The following STAG1 variants were observed in gnomAD, a reference collection of about 807,000 sequenced individuals.
STAG1 encodes cohesin subunit SA-1.
Under a neutral mutation model 170.9 loss-of-function variants are expected in STAG1, and 26 were observed. The observed-to-expected ratio is 0.15, with a 90% CI of 0.11 to 0.21. The LOEUF is 0.21. Among genes scored for constraint, STAG1 ranks in the 10% least tolerant of loss-of-function variants. The pLI, the probability that STAG1 is intolerant of heterozygous loss-of-function variation, is 1.00. For missense variants in STAG1, 964 were observed against 1,509.5 expected (o/e 0.64, Z 5.99); for synonymous variants, 514 against 497.7 (o/e 1.03, Z -0.44).
chr3:136,502,598 C>T (rs370696656), intron 8 of STAG1, 30 bp downstream of exon 8: 6 of 1,605,378 alleles, frequency 3.7e-6, no homozygotes, highest in Non-Finnish European at 5.1e-6. Flanking sequence ...ATTTACAGAA[C>T]ATAAAATCAT....
chr3:136,751,808 C>CGG, intron 1 of STAG1, among the ~76,000 whole-genome samples: 1 of 148,262 alleles, frequency 6.7e-6, no homozygotes, highest in East Asian at 2.0e-4. Context: ...AGAGCCCGGG[C>CGG]GGGGGGGGGC....
chr3:136,538,089 A>C (rs879217482), intron 6 of STAG1, among the ~76,000 whole-genome samples: 1 of 152,166 alleles, frequency 6.6e-6, no homozygotes, highest in Non-Finnish European at 1.5e-5. Flanking sequence ...CTGAGTCTTG[A>C]GTTATTAGCC....
At chr3:136,683,240 T>C (rs1461702382) in intron 1 of STAG1, among the ~76,000 whole-genome samples, 3 of 149,670 alleles carry the variant, frequency 2.0e-5, no homozygotes, top group African/African-American at 7.5e-5. Context: ...ATAACTAAGA[T>C]AGTAAATTTT....
intron 1 of STAG1, among the ~76,000 whole-genome samples, chr3:136,724,370 C>T (rs1253341314): frequency 6.6e-6 from 1 of 151,234 alleles, no homozygotes; most frequent in African/African-American, 2.4e-5. Flanking sequence ...AAGGGTGGTG[C>T]AAGATGCGCT....
chr3:136,690,056 C>CA (rs57082567), intron 1 of STAG1, among the ~76,000 whole-genome samples: 1,999 of 55,992 alleles, frequency 0.036, 24 homozygotes, highest in African/African-American at 0.057. Flanking sequence ...AAAAGCAAAC[C>CA]AAAAAAAAAA....
At chr3:136,667,347 T>G (rs1371970747) in intron 1 of STAG1, among the ~76,000 whole-genome samples, 1 of 151,982 alleles carries the variant, frequency 6.6e-6, no homozygotes, top group Admixed American at 6.6e-5. Context: ...TAGGAGTTCA[T>G]GTCGAGCCTA....
intron 5 of STAG1, among the ~76,000 whole-genome samples, chr3:136,560,128 C>A (rs1321147845): frequency 6.6e-6 from 1 of 152,128 alleles, no homozygotes; most frequent in Non-Finnish European, 1.5e-5. Context: ...GTGATTAATT[C>A]TCTGGCAATT....
chr3:136,441,021 C>A (rs1296803685), intron 15 of STAG1, among the ~76,000 whole-genome samples: 2 of 138,494 alleles, frequency 1.4e-5, no homozygotes, highest in African/African-American at 2.6e-5. Flanking sequence ...AACAACAGGA[C>A]CATCTTTCCT....
At chr3:136,492,351 T>C (rs2090139707) in intron 9 of STAG1, among the ~76,000 whole-genome samples, 1 of 152,240 alleles carries the variant, frequency 6.6e-6, no homozygotes, top group African/African-American at 2.4e-5. Context: ...AAATAACTGT[T>C]GTTTCTACAA....
intron 28 of STAG1, 104 bp downstream of exon 28, chr3:136,357,616 A>T (rs1936707586): frequency 2.3e-6 from 2 of 875,028 alleles, no homozygotes; most frequent in African/African-American, 3.5e-5. Flanking sequence ...CAGAGCCTAA[A>T]TTATCAAGAG....
At chr3:136,719,771 T>C (rs1442508354) in intron 1 of STAG1, among the ~76,000 whole-genome samples, 2 of 152,018 alleles carry the variant, frequency 1.3e-5, no homozygotes, top group Non-Finnish European at 2.9e-5. Context: ...CAATCTAGGA[T>C]GGACTGCAAA....
chr3:136,602,657 C>T (rs760873878), intron 4 of STAG1, among the ~76,000 whole-genome samples: 7 of 152,058 alleles, frequency 4.6e-5, no homozygotes, highest in Middle Eastern at 6.8e-3. Context: ...TTCAGACCAG[C>T]CTGGCCAATA....
At chr3:136,354,660 A>T (rs961151330) in intron 28 of STAG1, among the ~76,000 whole-genome samples, 3 of 151,394 alleles carry the variant, frequency 2.0e-5, no homozygotes, top group African/African-American at 7.3e-5. Flanking sequence ...GAAAATAACT[A>T]AAAAAATACA....
intron 3 of STAG1, among the ~76,000 whole-genome samples, chr3:136,615,424 CAAAAAA>C (rs35713077): frequency 1.8e-4 from 6 of 33,262 alleles, no homozygotes; most frequent in East Asian, 1.8e-3. Flanking sequence ...AGACTTTGTC[CAAAAAA>C]AAAAAAAAAA....
chr3:136,710,068 GGGA>G (rs1943341068), intron 1 of STAG1, among the ~76,000 whole-genome samples: 1 of 152,084 alleles, frequency 6.6e-6, no homozygotes, highest in African/African-American at 2.4e-5. Flanking sequence ...TTAAAAGGTG[GGGA>G]GGAGGGATTG....
At chr3:136,342,399 A>T (rs1259668806) in intron 30 of STAG1, among the ~76,000 whole-genome samples, 1 of 151,242 alleles carries the variant, frequency 6.6e-6, no homozygotes, top group Non-Finnish European at 1.5e-5. Flanking sequence ...GCTCACTACA[A>T]CCTCTGCCTC....
At chr3:136,478,450 GA>G (rs1234252788) in intron 9 of STAG1, among the ~76,000 whole-genome samples, 7 of 152,172 alleles carry the variant, frequency 4.6e-5, no homozygotes, top group African/African-American at 9.6e-5. Context: ...TTAGCTTTAA[GA>G]AAAAAATATT....
At chr3:136,352,596 C>T (rs1021892317) in intron 28 of STAG1, among the ~76,000 whole-genome samples, 1 of 152,160 alleles carries the variant, frequency 6.6e-6, no homozygotes, top group Non-Finnish European at 1.5e-5. Context: ...TACAAAGTCC[C>T]CAACTTACAA....
At chr3:136,708,778 C>T (rs1943298456) in intron 1 of STAG1, among the ~76,000 whole-genome samples, 2 of 151,992 alleles carry the variant, frequency 1.3e-5, no homozygotes, top group African/African-American at 2.4e-5. Flanking sequence ...CCATCCCATT[C>T]GTCAACAAGT....
Sources: gnomAD v4.1 joint callset for allele counts (sites outside exome capture counted in the v4.1 genomes callset) on GRCh38, gnomAD v4.1.1 for gene constraint, MANE v1.5 for transcripts, NCBI Gene and HGNC (gene_info 2026-07-23, HGNC 2026-07-21) for gene names.